The following MYH11 variants were observed in gnomAD, a reference collection of about 807,000 sequenced individuals.
MYH11 encodes the protein myosin heavy chain 11.
A neutral mutation model predicts 246.6 loss-of-function variants in MYH11; 80 were observed. The ratio of observed to expected loss-of-function variants is 0.32; its 90% CI spans 0.27 to 0.39. MYH11 has a LOEUF of 0.39. MYH11 is among the 10% of genes least tolerant of loss of function. MYH11 has a pLI of 1.00. For synonymous variants in MYH11, 1,071 were observed against 1,015.5 expected, an observed-to-expected ratio of 1.05 and a Z score of -1.04; for missense variants, 2,158 against 2,546.8, an observed-to-expected ratio of 0.85 and a Z score of 3.29.
In MYH11 at chr16:15,721,533, A is replaced by G; in HGVS notation, c.4467T>C (p.Ala1489=). The change falls in exon 32 of 41, where the codon GCT becomes GCC. Residue 1489 remains alanine (A), a synonymous_variant. Transcript: ENST00000300036. ...REKETKALSL[A]RALEEALEAK... is the part of the protein sequence containing the mutation. ...CTTCCAAGGCCTCTTCAAGGGCCCGAGCCAGGGACAGGGCCTTGGTTTCCT... is the reference window on the plus strand; with the variant it reads ...CTTCCAAGGCCTCTTCAAGGGCCCGGGCCAGGGACAGGGCCTTGGTTTCCT... The G allele has an allele frequency of 6.2e-7, 1 of 1,614,162 alleles. No individual in the cohort carries two copies. Among genetic ancestry groups the G allele is most frequent in the East Asian group, 2.2e-5 (1 of 44,874 alleles).
At position 15,771,433 on chromosome 16, in the gene MYH11, T is replaced by C. The variant is rs897848422; in HGVS notation, c.1033+136A>G. 4.1e-3 allele frequency: 4,238 copies of C among 1,025,318 alleles called. 12 individuals carry two copies. The highest frequency in any genetic ancestry group is 4.9e-3 in the Non-Finnish European group (3,565 of 727,180). 63.5% of individuals were successfully genotyped at this position (1,025,318 alleles called of 1,614,324 possible). ...CCACCTAGAATAAAATTCATTTTCCTCCTTTTTTTTTTTTTTTTTTAATGG... is the reference window on the plus strand; with the variant it reads ...CCACCTAGAATAAAATTCATTTTCCCCCTTTTTTTTTTTTTTTTTTAATGG... On this transcript the variant is annotated intron_variant, in intron 9 of 40. Transcript: ENST00000300036.
At chr16:15,794,921 C>T (rs1213101655) in intron 4 of MYH11, among the ~76,000 whole-genome samples, 1 of 152,194 alleles carries the variant, frequency 6.6e-6, no homozygotes, top group Non-Finnish European at 1.5e-5. Context: ...TTCCAAGTCA[C>T]AGTAAGGAAT....
intron 1 of MYH11, among the ~76,000 whole-genome samples, chr16:15,851,970 AG>A (rs1466821337): frequency 1.3e-5 from 2 of 152,154 alleles, no homozygotes; most frequent in Non-Finnish European, 2.9e-5. Flanking sequence ...CTCCTATGTC[AG>A]GGGTCCCCAA....
chr16:15,845,530 GTTTA>G (rs1359561834), intron 1 of MYH11, among the ~76,000 whole-genome samples: 1 of 152,108 alleles, frequency 6.6e-6, no homozygotes, highest in East Asian at 1.9e-4. Flanking sequence ...TTTTAATTAT[GTTTA>G]TTTCTGGACA....
intron 22 of MYH11, 69 bp from the exon 23 acceptor site, chr16:15,740,257 C>G: frequency 1.9e-6 from 3 of 1,608,148 alleles, no homozygotes; most frequent in Non-Finnish European, 2.5e-6. Context: ...GATCTGGGGA[C>G]TAATGAATAC....
chr16:15,732,663 A>G lies in MYH11; in HGVS notation c.3552T>C (p.Asp1184=). 6.2e-7 allele frequency: 1 copy of G among 1,614,208 alleles called. No individual in the cohort carries two copies. The change falls in exon 27 of 41, where the codon GAT becomes GAC. Residue 1184 remains aspartate, a synonymous_variant. Coordinates refer to ENST00000300036, the MANE Select transcript of MYH11 (RefSeq NM_002474.3). ...GAGCCTCATGGGACCGCGTCTCTTC[A>G]TCCAGGGCCTTCTTCAGCACCGTCA... ...QEVTVLKKAL[D]EETRSHEAQV...
chr16:15,802,626 T>G (rs2042913844), intron 3 of MYH11, among the ~76,000 whole-genome samples: 1 of 152,186 alleles, frequency 6.6e-6, no homozygotes, highest in African/African-American at 2.4e-5. Context: ...TTTTTGTATT[T>G]TTTGTAGAGA....
intron 23 of MYH11, 138 bp downstream of exon 23, chr16:15,739,913 T>C (rs757224154): frequency 2.0e-4 from 182 of 916,000 alleles, no homozygotes; most frequent in Non-Finnish European, 2.7e-4. Context: ...GGCTAATCTT[T>C]GTATTTTTAG....
chr16:15,823,999 C>T (rs1287912832), intron 2 of MYH11, among the ~76,000 whole-genome samples: 3 of 152,088 alleles, frequency 2.0e-5, no homozygotes, highest in East Asian at 1.9e-4. Context: ...TTTACCTCCC[C>T]GGACCTCACT....
In MYH11 at chr16:15,767,217, T is replaced by C. The variant is rs150255150; in HGVS notation, c.1034-3326A>G. Among the ~76,000 whole-genome samples, 633 of 152,062 alleles carry C rather than the reference T, an allele frequency of 4.2e-3. 2 individuals are homozygous for C. Among genetic ancestry groups the C allele is most frequent in the Middle Eastern group, 0.017 (5 of 292 alleles). On this transcript the variant is annotated intron_variant, in intron 9 of 40. Transcript: ENST00000300036. Reference sequence around the variant, plus strand: ...GGATAGATGGATGATAGAGGATGGATTGATGGATGAATCATGGATGAATAG... The same window carrying C: ...GGATAGATGGATGATAGAGGATGGACTGATGGATGAATCATGGATGAATAG...
intron 25 of MYH11, among the ~76,000 whole-genome samples, chr16:15,735,823 CGTGTGTGCAT>C (rs1336949325): frequency 2.6e-5 from 4 of 152,300 alleles, no homozygotes; most frequent in South Asian, 2.1e-4. Context: ...TGTGTATGCA[CGTGTGTGCAT>C]GTGTGTGCAA....
chr16:15,782,427 G>A lies in MYH11; in HGVS notation c.684C>T (p.Phe228=), dbSNP rs368292089. 12 of 1,614,024 alleles carry A rather than the reference G, an allele frequency of 7.4e-6. No homozygotes were observed. The highest frequency in any genetic ancestry group is 2.2e-5 in the East Asian group (1 of 44,894). Reference sequence around the variant, plus strand: ...CGTTCTTCACTGTTTTGGCGTTGCCGAAAGCCTCCAGAATCGGGTTTGCTT... The same window carrying A: ...CGTTCTTCACTGTTTTGGCGTTGCCAAAAGCCTCCAGAATCGGGTTTGCTT... ...LLQANPILEA[F]GNAKTVKNDN... Residue 228 remains phenylalanine, a synonymous_variant, in exon 6 of 41, where the codon TTC becomes TTT. Transcript: ENST00000300036.
At chr16:15,763,298 T>C (rs767834506) in intron 10 of MYH11, among the ~76,000 whole-genome samples, 11 of 151,782 alleles carry the variant, frequency 7.2e-5, no homozygotes, top group Admixed American at 1.3e-4. Context: ...TCCTGCTGTA[T>C]CCCAGTGGCA....
At chr16:15,819,915 C>T (rs761980785) in intron 3 of MYH11, among the ~76,000 whole-genome samples, 8 of 152,138 alleles carry the variant, frequency 5.3e-5, no homozygotes, top group African/African-American at 1.2e-4. Context: ...CCTTCTCCGA[C>T]GATTCAGTGG....
At chr16:15,755,665 G>C (rs1207489549) in intron 14 of MYH11, among the ~76,000 whole-genome samples, 1 of 152,192 alleles carries the variant, frequency 6.6e-6, no homozygotes, top group African/African-American at 2.4e-5. Context: ...AGGCACGGTG[G>C]CTCATGCCTG....
intron 15 of MYH11, among the ~76,000 whole-genome samples, chr16:15,752,282 T>A (rs915927378): frequency 6.6e-6 from 1 of 151,986 alleles, no homozygotes; most frequent in Non-Finnish European, 1.5e-5. Flanking sequence ...GCCCTTTTTT[T>A]AGCATGCTTA....
At chr16:15,733,259 G>A (rs1444222241) in intron 26 of MYH11, among the ~76,000 whole-genome samples, 1 of 152,148 alleles carries the variant, frequency 6.6e-6, no homozygotes, top group Non-Finnish European at 1.5e-5. Context: ...TTGAGATGGA[G>A]TTTCACTCCT....
intron 20 of MYH11, chr16:15,742,231 C>T: frequency 2.4e-6 from 1 of 423,108 alleles, no homozygotes; most frequent in Non-Finnish European, 4.4e-6. Context: ...TCTCATCTTC[C>T]CCACTTTAGA....
intron 4 of MYH11, among the ~76,000 whole-genome samples, chr16:15,797,913 C>T (rs920000718): frequency 6.6e-6 from 1 of 151,972 alleles, no homozygotes; most frequent in African/African-American, 2.4e-5. Context: ...AAAATGTCCC[C>T]TCAGATGTGC....
Sources: allele counts gnomAD v4.1 joint callset (sites outside exome capture counted in the v4.1 genomes callset), GRCh38; gene constraint gnomAD v4.1.1; transcripts MANE v1.5; gene names NCBI Gene and HGNC (gene_info 2026-07-23, HGNC 2026-07-21).